ZNF410: variants seen among roughly 807,000 people sequenced by gnomAD.
The protein encoded by ZNF410 is zinc finger protein 410.
A neutral mutation model predicts 54.8 loss-of-function variants in ZNF410; 18 were observed. The ratio of observed to expected loss-of-function variants is 0.33; its 90% confidence interval spans 0.23 to 0.49. ZNF410 has a LOEUF of 0.49. ZNF410 is among the 20% of genes least tolerant of loss of function. The pLI, the probability that ZNF410 is intolerant of heterozygous loss-of-function variation, is 0.99. For missense variants in ZNF410, 405 were observed against 569.6 expected, an observed-to-expected ratio of 0.71 and a Z score of 2.94; for synonymous variants, 191 against 207.3, an observed-to-expected ratio of 0.92 and a Z score of 0.68.
intron 11 of ZNF410, among the ~76,000 whole-genome samples, chr14:73,928,796 A>G (rs2055870718): frequency 6.6e-6 from 1 of 152,138 alleles, no homozygotes; most frequent in South Asian, 2.1e-4. Context: ...GTTTTTTAAA[A>G]AATTATCCAG....
intron 8 of ZNF410, among the ~76,000 whole-genome samples, chr14:73,911,559 T>C (rs2055578333): frequency 6.6e-6 from 1 of 152,224 alleles, no homozygotes; most frequent in African/African-American, 2.4e-5. Flanking sequence ...CAGATGTGTT[T>C]TGCTTGGATT....
At chr14:73,909,824 T>G (rs536133671) in intron 8 of ZNF410, among the ~76,000 whole-genome samples, 12 of 152,340 alleles carry the variant, frequency 7.9e-5, no homozygotes, top group East Asian at 3.9e-4. Flanking sequence ...ACCAGTAATA[T>G]TACTGCCTTC....
intron 5 of ZNF410, among the ~76,000 whole-genome samples, chr14:73,901,756 C>T (rs2055410252): frequency 6.6e-6 from 1 of 150,830 alleles, no homozygotes. Context: ...AAAACCCCAT[C>T]TCTACAAAAA....
intron 11 of ZNF410, among the ~76,000 whole-genome samples, chr14:73,923,935 C>G (rs137942816): frequency 1.3e-5 from 2 of 152,226 alleles, no homozygotes; most frequent in East Asian, 3.9e-4. Context: ...CAGACAGGAG[C>G]AAGTATTTCC....
At position 73,920,649 on chromosome 14, in the gene ZNF410, TC is replaced by T. The variant is rs563032580; in HGVS notation, c.1004-329del. 1.3e-4 allele frequency: 31 copies of T among 235,110 alleles called. No individual in the cohort carries two copies. The South Asian group carries it at 1.9e-3, about 14-fold the overall frequency. 14.6% of individuals were successfully genotyped at this position (235,110 alleles called of 1,614,324 possible). On this transcript the variant is annotated intron_variant, in intron 8 of 11. Coordinates refer to ENST00000555044, the MANE Select transcript of ZNF410 (RefSeq NM_021188.3). ...TTGAAATCCTTGAGGAAAGCACATG[TC>T]CTAGAGGTCCATGGAAGACTAACTG...
Position 73,932,004 on chromosome 14 carries a change from A to G in ZNF410, c.*463A>G, listed in dbSNP as rs780213430. The stretch of plus-strand genomic sequence containing the variant: ...CCTTGTTGCTTTGAAGAAGGGAGTG[A>G]TGTCAATTCTCTTGTTACATTCTCC... On this transcript the variant is annotated 3_prime_UTR_variant, in exon 12 of 12. Coordinates refer to ENST00000555044, the MANE Select transcript of ZNF410 (RefSeq NM_021188.3). 6.6e-6 allele frequency: 3 copies of G among 456,536 alleles called. No individual in the cohort carries two copies. Among genetic ancestry groups the G allele is most frequent in the South Asian group, 4.6e-5 (3 of 64,560 alleles). The allele number at this position is 456,536 out of a possible 1,614,324, so 28.3% of individuals were successfully genotyped here.
At chr14:73,907,088 A>T (rs920168109) in intron 7 of ZNF410, among the ~76,000 whole-genome samples, 1 of 152,214 alleles carries the variant, frequency 6.6e-6, no homozygotes, top group African/African-American at 2.4e-5. Flanking sequence ...AGGTAACTTT[A>T]TGCATTAGAT....
intron 11 of ZNF410, among the ~76,000 whole-genome samples, chr14:73,925,433 C>CT (rs58959688): frequency 0.013 from 1,847 of 144,380 alleles, 25 homozygotes; most frequent in African/African-American, 0.04. Flanking sequence ...CTAACTTTGA[C>CT]TTTTTTTTTT....
chr14:73,928,249 G>A lies in ZNF410; in HGVS notation c.1399-3254G>A, dbSNP rs138653518. 3.4e-4 allele frequency among the ~76,000 whole-genome samples: 52 copies of A among 152,290 alleles called. 1 individual carries two copies. In the East Asian group the frequency reaches 9.5e-3, roughly 28 times the overall value. On this transcript the variant is annotated intron_variant, in intron 11 of 11. Coordinates refer to ENST00000555044, the MANE Select transcript of ZNF410 (RefSeq NM_021188.3). ...GATGAATAGACATCATCTTGATGGA[G>A]AAGTAGGAGTTGGAAGAATATAACA...
intron 4 of ZNF410, among the ~76,000 whole-genome samples, chr14:73,897,787 C>A (rs2055342650): frequency 3.9e-5 from 6 of 152,038 alleles, no homozygotes; most frequent in Admixed American, 3.9e-4. Context: ...GCCTGACCAA[C>A]ATGGTGAAAC....
chr14:73,909,327 T>A lies in ZNF410; in HGVS notation c.914-14T>A. 6.2e-7 allele frequency: 1 copy of A among 1,608,344 alleles called. No homozygotes were observed. ...ATCAGAAGACTGAGTCTTTATCTCA[T>A]TTTCTGTCTCTAGGAGAGAAACCTT... On this transcript the variant is annotated splice_polypyrimidine_tract_variant and intron_variant, in intron 7 of 11. Transcript: ENST00000555044.
At chr14:73,898,718 A>C (rs2055360689) in intron 5 of ZNF410, among the ~76,000 whole-genome samples, 1 of 152,252 alleles carries the variant, frequency 6.6e-6, no homozygotes, top group East Asian at 1.9e-4. Flanking sequence ...TGTTTTGCTG[A>C]AACTAAATTG....
At chr14:73,907,415 C>T (rs1251640648) in intron 7 of ZNF410, among the ~76,000 whole-genome samples, 2 of 151,638 alleles carry the variant, frequency 1.3e-5, no homozygotes, top group Non-Finnish European at 2.9e-5. Context: ...TTGGCCAACA[C>T]GGTGAAACCC....
At position 73,923,551 on chromosome 14, in the gene ZNF410, G is replaced by A. The variant is rs755670315; in HGVS notation, c.1398+29G>A. 1.9e-6 allele frequency: 3 copies of A among 1,599,958 alleles called. No homozygotes were observed. The African/African-American group carries it at 4.0e-5, about 21-fold the overall frequency. On this transcript the variant is annotated intron_variant, in intron 11 of 11. Coordinates refer to ENST00000555044, the MANE Select transcript of ZNF410 (RefSeq NM_021188.3). The stretch of plus-strand genomic sequence containing the variant: ...AAGTGGTCTCTTGCCCTTTGTTTCT[G>A]TGACAATTCATGTGGGGAATGATTG...
Position 73,904,109 on chromosome 14 carries a change from C to A in ZNF410, c.730C>A (p.Arg244=), listed in dbSNP as rs866815280. The change falls in exon 6 of 12, where the codon CGA becomes AGA. Residue 244 remains arginine, a splice_region_variant and synonymous_variant. Transcript: ENST00000555044. ...AHFKYHLKTH[R]NDRSFICPAE... Reference sequence around the variant, plus strand: ...CTTTAAATACCACCTCAAGACTCATCGGTGAGCAAATCCGAGATCTCATAT... The same window carrying A: ...CTTTAAATACCACCTCAAGACTCATAGGTGAGCAAATCCGAGATCTCATAT... 2 of 1,611,342 alleles carry A rather than the reference C, an allele frequency of 1.2e-6. No individual in the cohort carries two copies. Among genetic ancestry groups the A allele is most frequent in the Middle Eastern group, 3.3e-4 (2 of 6,050 alleles).
chr14:73,924,599 T>C (rs1458276214), intron 11 of ZNF410: 3 of 407,144 alleles, frequency 7.4e-6, no homozygotes, highest in Non-Finnish European at 1.4e-5. Flanking sequence ...GCATAAACTT[T>C]TGTCAAAACC....
chr14:73,932,461 C>T lies in ZNF410; in HGVS notation c.*920C>T. On this transcript the variant is annotated 3_prime_UTR_variant, in exon 12 of 12. Coordinates refer to ENST00000555044, the MANE Select transcript of ZNF410 (RefSeq NM_021188.3). ...AGCCCAGGTGATAGTTACTCTGTCA[C>T]CACCAAAAAAGACGCATCTGAGAAA... 1 of 454,204 alleles carries T rather than the reference C, an allele frequency of 2.2e-6. No individual in the cohort carries two copies. Among genetic ancestry groups the T allele is most frequent in the Non-Finnish European group, 4.4e-6 (1 of 226,600 alleles). 28.1% of individuals were successfully genotyped at this position (454,204 alleles called of 1,614,324 possible).
chr14:73,894,959 T>C (rs1248922866), intron 3 of ZNF410, among the ~76,000 whole-genome samples: 1 of 151,920 alleles, frequency 6.6e-6, no homozygotes, highest in Non-Finnish European at 1.5e-5. Flanking sequence ...GCCCAGGAGA[T>C]TGAGACCAGC....
rs1028037902 is a variant in ZNF410, at chr14:73,919,155, G to A, written c.1004-1825G>A. Among the ~76,000 whole-genome samples, 5 of 150,914 alleles carry A rather than the reference G, an allele frequency of 3.3e-5. No homozygotes were observed. In the South Asian group the frequency reaches 6.3e-4, roughly 19 times the overall value. On this transcript the variant is annotated intron_variant, in intron 8 of 11. Transcript: ENST00000555044. ...CAAGCAGCTGGGATTATATGCGCCC[G>A]CCACCACGCCTAGCTAATTTTTGTA...
Sources: gnomAD v4.1 joint callset for allele counts (sites outside exome capture counted in the v4.1 genomes callset) on GRCh38, gnomAD v4.1.1 for gene constraint, MANE v1.5 for transcripts, NCBI Gene and HGNC (gene_info 2026-07-23, HGNC 2026-07-21) for gene names.